The following GNAQ variants were observed in gnomAD, a reference collection of about 807,000 sequenced individuals.
GNAQ encodes the protein G protein subunit alpha q.
Under a neutral mutation model 43.9 loss-of-function variants are expected in GNAQ, and 8 were observed. The ratio of observed to expected loss-of-function variants is 0.18; its 90% CI spans 0.11 to 0.33. The LOEUF (loss-of-function observed/expected upper bound fraction) is 0.33. GNAQ is among the 10% of genes least tolerant of loss of function. The pLI is 1.00. For missense variants in GNAQ, 158 were observed against 450.8 expected (o/e 0.35, Z 5.88); for synonymous variants, 155 against 170.7 (o/e 0.91, Z 0.71).
chr9:77,991,357 G>A (rs7020293), intron 1 of GNAQ, among the ~76,000 whole-genome samples: 19,395 of 151,982 alleles, frequency 0.13, 1,484 homozygotes, highest in East Asian at 0.33. Flanking sequence ...ACAAACCACC[G>A]TGGAATGGCC....
At chr9:77,852,701 C>G (rs1216369418) in intron 2 of GNAQ, among the ~76,000 whole-genome samples, 1 of 152,224 alleles carries the variant, frequency 6.6e-6, no homozygotes, top group African/African-American at 2.4e-5. Flanking sequence ...GTTTTATGTC[C>G]TTTGACACAT....
intron 2 of GNAQ, among the ~76,000 whole-genome samples, chr9:77,817,287 A>G (rs181809763): frequency 2.0e-3 from 306 of 152,264 alleles, no homozygotes; most frequent in Non-Finnish European, 3.2e-3. Context: ...CTTTCTCTCT[A>G]ATCATGGTTT....
chr9:77,897,787 T>C (rs1375498899), intron 2 of GNAQ, among the ~76,000 whole-genome samples: 1 of 152,142 alleles, frequency 6.6e-6, no homozygotes, highest in Non-Finnish European at 1.5e-5. Context: ...GGGGCCACAA[T>C]GTGAGGCTGG....
intron 1 of GNAQ, among the ~76,000 whole-genome samples, chr9:77,989,290 C>CAA (rs1823480034): frequency 5.3e-5 from 8 of 152,262 alleles, no homozygotes; most frequent in Admixed American, 2.6e-4. Flanking sequence ...AAACATTTGC[C>CAA]AGCAAAGGCC....
rs77300678 is a variant in GNAQ at position 77,783,728 on chromosome 9, C to T, written c.735+10735G>A. ...ACTTCTAGTTTGCTTCCTGTATAAC[C>T]GCATTATTTTGGCACAGAGCACTTC... On this transcript the variant is annotated intron_variant, in intron 5 of 6. Coordinates refer to ENST00000286548, the MANE Select transcript of GNAQ (RefSeq NM_002072.5). Among the ~76,000 whole-genome samples, 716 of 152,210 alleles carry T rather than the reference C, an allele frequency of 4.7e-3. 5 individuals carry two copies. The highest frequency in any genetic ancestry group is 0.016 in the African/African-American group (654 of 41,518).
At chr9:77,760,977 C>T (rs1825997685) in intron 5 of GNAQ, among the ~76,000 whole-genome samples, 2 of 151,788 alleles carry the variant, frequency 1.3e-5, no homozygotes, top group South Asian at 2.1e-4. Flanking sequence ...CTGGCAACCG[C>T]CCCGTCTGAG....
intron 2 of GNAQ, among the ~76,000 whole-genome samples, chr9:77,884,703 C>T (rs991926325): frequency 6.6e-6 from 1 of 152,104 alleles, no homozygotes; most frequent in East Asian, 1.9e-4. Flanking sequence ...GCTGTTCACT[C>T]GGGAAGCATA....
chr9:78,001,505 T>C (rs1823643763), intron 1 of GNAQ, among the ~76,000 whole-genome samples: 2 of 152,196 alleles, frequency 1.3e-5, no homozygotes, highest in African/African-American at 4.8e-5. Flanking sequence ...TAAGTACAGA[T>C]TCTACCAATG....
chr9:77,738,786 A>G (rs1417391883), intron 5 of GNAQ, among the ~76,000 whole-genome samples: 1 of 152,160 alleles, frequency 6.6e-6, no homozygotes, highest in Non-Finnish European at 1.5e-5. Context: ...TGGGGTCTGC[A>G]GCTACTATAT....
Position 77,721,579 on chromosome 9 carries a change from G to T in GNAQ, c.890-66C>A, listed in dbSNP as rs1242382998. On this transcript the variant is annotated intron_variant, in intron 6 of 6. Transcript: ENST00000286548. Reference sequence around the variant, plus strand: ...CTGCTAATGTATTCAATCATCATTGGTTCAATAAATACTGTGTCATTGCTC... The same window carrying T: ...CTGCTAATGTATTCAATCATCATTGTTTCAATAAATACTGTGTCATTGCTC... The T allele has an allele frequency of 8.7e-6, 8 of 923,628 alleles. No homozygotes were observed. The African/African-American group carries it at 1.3e-4, about 15-fold the overall frequency. The allele number at this position is 923,628 out of a possible 1,614,324, so 57.2% of individuals were successfully genotyped here.
chr9:77,860,392 C>A (rs1445041133), intron 2 of GNAQ, among the ~76,000 whole-genome samples: 1 of 152,168 alleles, frequency 6.6e-6, no homozygotes, highest in African/African-American at 2.4e-5. Context: ...CAAAAAAAGG[C>A]TGACTGCACT....
intron 5 of GNAQ, among the ~76,000 whole-genome samples, chr9:77,770,627 G>A (rs1004608076): frequency 2.6e-5 from 4 of 152,164 alleles, no homozygotes; most frequent in East Asian, 3.9e-4. Context: ...CAGATGGCTC[G>A]GACTGCCCTA....
chr9:77,795,675 T>C (rs1463813773), intron 4 of GNAQ, among the ~76,000 whole-genome samples: 2 of 152,176 alleles, frequency 1.3e-5, no homozygotes, highest in East Asian at 1.9e-4. Context: ...CCACGTACTA[T>C]GGACATCAAA....
At chr9:77,965,259 C>G (rs78205330) in intron 1 of GNAQ, among the ~76,000 whole-genome samples, 6 of 152,084 alleles carry the variant, frequency 3.9e-5, no homozygotes, top group Non-Finnish European at 2.9e-5. Context: ...AGAATCCTCA[C>G]GAATCAACCC....
At chr9:77,989,640 C>A (rs1419867843) in intron 1 of GNAQ, among the ~76,000 whole-genome samples, 1 of 152,190 alleles carries the variant, frequency 6.6e-6, no homozygotes, top group East Asian at 1.9e-4. Flanking sequence ...CCTAAGGCAA[C>A]AGGATCCCAA....
intron 2 of GNAQ, among the ~76,000 whole-genome samples, chr9:77,888,777 C>A (rs1424953238): frequency 6.6e-6 from 1 of 152,088 alleles, no homozygotes; most frequent in East Asian, 1.9e-4. Context: ...TAAATCAGAG[C>A]AGCAGAATGG....
chr9:78,012,707 G>A (rs1309122470), intron 1 of GNAQ, among the ~76,000 whole-genome samples: 1 of 152,028 alleles, frequency 6.6e-6, no homozygotes, highest in African/African-American at 2.4e-5. Flanking sequence ...CTTAATTGCA[G>A]ACACAAATAT....
At chr9:77,913,297 T>C (rs1278269083) in intron 2 of GNAQ, among the ~76,000 whole-genome samples, 2 of 149,478 alleles carry the variant, frequency 1.3e-5, no homozygotes, top group African/African-American at 4.9e-5. Flanking sequence ...GATATAATTA[T>C]ATATATATAA....
At chr9:77,995,472 G>C (rs1823557007) in intron 1 of GNAQ, among the ~76,000 whole-genome samples, 1 of 152,082 alleles carries the variant, frequency 6.6e-6, no homozygotes, top group Non-Finnish European at 1.5e-5. Context: ...GAGAGGGTGA[G>C]GGCAGAAGCT....
Sources: allele counts gnomAD v4.1 joint callset (sites outside exome capture counted in the v4.1 genomes callset), GRCh38; gene constraint gnomAD v4.1.1; transcripts MANE v1.5; gene names NCBI Gene and HGNC (gene_info 2026-07-23, HGNC 2026-07-21).